Variants in ROBO2 observed in about 807,000 individuals in gnomAD.
The protein encoded by ROBO2 is roundabout guidance receptor 2.
A neutral mutation model predicts 160.8 loss-of-function variants in ROBO2; 53 were observed. The ratio of observed to expected loss-of-function variants is 0.33; its 90% CI spans 0.26 to 0.41. The LOEUF is 0.41. Among genes scored for constraint, ROBO2 ranks in the 10% least tolerant of loss-of-function variants. ROBO2 has a pLI of 1.00. For missense variants in ROBO2, 1,577 were observed against 1,722.4 expected, an observed-to-expected ratio of 0.92 and a Z score of 1.49; for synonymous variants, 664 against 611.7, an observed-to-expected ratio of 1.09 and a Z score of -1.26.
intron 2 of ROBO2, among the ~76,000 whole-genome samples, chr3:76,589,201 A>C (rs1356513433): frequency 1.3e-5 from 2 of 152,226 alleles, no homozygotes; most frequent in Admixed American, 1.3e-4. Context: ...GGATATCAAA[A>C]CATCGCTCTG....
chr3:75,956,023 A>C (rs936544233), intron 2 of ROBO2, among the ~76,000 whole-genome samples: 1 of 151,766 alleles, frequency 6.6e-6, no homozygotes, highest in Non-Finnish European at 1.5e-5. Context: ...TGTCAATAGA[A>C]TTCATCATAC....
intron 2 of ROBO2, among the ~76,000 whole-genome samples, chr3:76,081,942 A>G (rs1400719338): frequency 2.6e-5 from 4 of 152,152 alleles, no homozygotes; most frequent in African/African-American, 9.7e-5. Context: ...CATATAAAAT[A>G]TAACTTTATT....
intron 2 of ROBO2, among the ~76,000 whole-genome samples, chr3:75,960,799 A>G (rs1230598473): frequency 6.6e-6 from 1 of 151,542 alleles, no homozygotes; most frequent in East Asian, 1.9e-4. Flanking sequence ...TTTCTAAAAG[A>G]AAAAAAGAGA....
chr3:77,481,215 C>G (rs200530457), exon 4 of ROBO2: 3 of 1,533,684 alleles, frequency 2.0e-6, no homozygotes, highest in Admixed American at 4.2e-5. Context: ...AGCTGACTGT[C>G]TTTGGTAAAA....
chr3:77,645,807 G>A (rs1055352020), intron 25 of ROBO2, among the ~76,000 whole-genome samples: 5 of 151,806 alleles, frequency 3.3e-5, no homozygotes, highest in Admixed American at 2.6e-4. Context: ...TTTTTTTGAA[G>A]TAATGACAGA....
intron 2 of ROBO2, among the ~76,000 whole-genome samples, chr3:76,145,684 A>C (rs921023488): frequency 6.6e-6 from 1 of 151,938 alleles, no homozygotes; most frequent in Non-Finnish European, 1.5e-5. Flanking sequence ...TAGAAAAAGG[A>C]CTCGATTTTT....
chr3:77,508,708 A>C (rs994618974), intron 5 of ROBO2, among the ~76,000 whole-genome samples: 1 of 151,990 alleles, frequency 6.6e-6, no homozygotes, highest in Non-Finnish European at 1.5e-5. Context: ...AAGTTCTTTG[A>C]TGTTAATATT....
intron 2 of ROBO2, among the ~76,000 whole-genome samples, chr3:76,700,627 C>T (rs2093027940): frequency 6.6e-6 from 1 of 152,054 alleles, no homozygotes; most frequent in African/African-American, 2.4e-5. Flanking sequence ...GCCTAATATC[C>T]ACATTGGAAA....
intron 2 of ROBO2, among the ~76,000 whole-genome samples, chr3:76,501,275 T>C (rs1371941925): frequency 6.6e-6 from 1 of 152,198 alleles, no homozygotes; most frequent in East Asian, 1.9e-4. Context: ...CACTGTTGGT[T>C]TGTCTTCTCA....
intron 2 of ROBO2, among the ~76,000 whole-genome samples, chr3:76,221,132 C>A (rs750421596): frequency 9.2e-5 from 14 of 152,194 alleles, no homozygotes; most frequent in Non-Finnish European, 1.3e-4. Context: ...TAACCCCAGG[C>A]AATATTGACT....
At chr3:76,769,404 T>A (rs559651471) in intron 2 of ROBO2, among the ~76,000 whole-genome samples, 1 of 151,140 alleles carries the variant, frequency 6.6e-6, no homozygotes, top group Admixed American at 6.6e-5. Flanking sequence ...CTTTGAGGAG[T>A]AAAAACAGAG....
chr3:76,524,826 TAAAAAAAAAAAAAAAAAAAAAAA>T (rs58091252), intron 2 of ROBO2, among the ~76,000 whole-genome samples: 4 of 21,718 alleles, frequency 1.8e-4, no homozygotes, highest in African/African-American at 2.8e-4. Flanking sequence ...CTCTTATTCC[TAAAAAAAAAAAAAAAAAAAAAAA>T]AAAAAAAAAA....
chr3:76,903,933 GAAAAGA>G (rs61076061), intron 2 of ROBO2, among the ~76,000 whole-genome samples: 152 of 149,738 alleles, frequency 1.0e-3, no homozygotes, highest in African/African-American at 3.2e-3. Context: ...TACTTGGGAA[GAAAAGA>G]AAAAGAAAAA....
chr3:77,040,480 A>G (rs1233593077), exon 1 of ROBO2: 3 of 1,219,704 alleles, frequency 2.5e-6, no homozygotes, highest in Non-Finnish European at 3.1e-6. Flanking sequence ...GCCTAAGGAG[A>G]GAGGGTTAGA....
At chr3:77,105,879 A>T (rs950666494) in intron 2 of ROBO2, among the ~76,000 whole-genome samples, 4 of 152,194 alleles carry the variant, frequency 2.6e-5, no homozygotes, top group African/African-American at 9.6e-5. Context: ...AGTCAAGTAG[A>T]TCCTATCCAT....
intron 2 of ROBO2, among the ~76,000 whole-genome samples, chr3:76,158,573 A>G (rs2072500209): frequency 6.6e-6 from 1 of 152,100 alleles, no homozygotes; most frequent in African/African-American, 2.4e-5. Context: ...TATTTTGTAT[A>G]CATACTGAAC....
intron 2 of ROBO2, among the ~76,000 whole-genome samples, chr3:77,112,078 C>T (rs2073662845): frequency 1.3e-5 from 2 of 149,710 alleles, no homozygotes; most frequent in Non-Finnish European, 3.0e-5. Flanking sequence ...CCGGGTGTAG[C>T]GGTGCTCACC....
At chr3:76,035,692 G>A (rs746313556) in intron 2 of ROBO2, among the ~76,000 whole-genome samples, 1 of 152,002 alleles carries the variant, frequency 6.6e-6, no homozygotes, top group African/African-American at 2.4e-5. Context: ...ATATTGCACC[G>A]AGTATGTTTT....
intron 2 of ROBO2, among the ~76,000 whole-genome samples, chr3:76,175,216 C>T (rs2073187346): frequency 6.6e-6 from 1 of 151,904 alleles, no homozygotes; most frequent in South Asian, 2.1e-4. Context: ...GATTTTGCAT[C>T]CTGAAACTTT....
Sources: allele counts gnomAD v4.1 joint callset (sites outside exome capture counted in the v4.1 genomes callset), GRCh38; gene constraint gnomAD v4.1.1; transcripts MANE v1.5; gene names NCBI Gene and HGNC (gene_info 2026-07-23, HGNC 2026-07-21).